Variants in MAST4 observed in about 807,000 individuals in gnomAD.
MAST4 encodes the protein microtubule associated serine/threonine kinase family member 4, also known as microtubule-associated serine/threonine-protein kinase 4.
In MAST4, 89 loss-of-function variants were observed where a neutral mutation model predicts 162.7. The observed-to-expected ratio is 0.55, with a 90% CI of 0.46 to 0.65. The LOEUF is 0.65. Among genes scored for constraint, MAST4 ranks in the 30% least tolerant of loss-of-function variants. The probability of loss-of-function intolerance (pLI) is 0.00; values close to 1 mark genes in which losing one functional copy is unlikely to be tolerated. For missense variants in MAST4, 3,153 were observed against 3,374.0 expected (o/e 0.93, Z 1.62); for synonymous variants, 1,479 against 1,361.1 (o/e 1.09, Z -1.91).
At chr5:66,673,959 A>G (rs1747791176) in intron 1 of MAST4, among the ~76,000 whole-genome samples, 1 of 152,242 alleles carries the variant, frequency 6.6e-6, no homozygotes, top group Non-Finnish European at 1.5e-5. Flanking sequence ...AAATTTAAAA[A>G]CAGCATTATA....
chr5:66,748,392 C>A (rs1752899759), intron 1 of MAST4, among the ~76,000 whole-genome samples: 1 of 99,042 alleles, frequency 1.0e-5, no homozygotes, highest in Non-Finnish European at 2.4e-5. Context: ...TTCCTTCCTT[C>A]TTTCCTTCCT....
chr5:66,946,827 C>T (rs1362829367), intron 4 of MAST4, among the ~76,000 whole-genome samples: 3 of 152,112 alleles, frequency 2.0e-5, no homozygotes, highest in African/African-American at 4.8e-5. Context: ...CATTACGAGT[C>T]GGGAATGCAT....
At chr5:66,816,339 G>A (rs1756719710) in intron 3 of MAST4, among the ~76,000 whole-genome samples, 1 of 152,010 alleles carries the variant, frequency 6.6e-6, no homozygotes, top group Non-Finnish European at 1.5e-5. Flanking sequence ...GGGCACCCCT[G>A]TTCACGGCCA....
At chr5:66,854,445 T>A (rs1482699897) in intron 3 of MAST4, among the ~76,000 whole-genome samples, 1 of 152,174 alleles carries the variant, frequency 6.6e-6, no homozygotes, top group East Asian at 1.9e-4. Flanking sequence ...TGGCACCAGG[T>A]CTGTTACAAG....
rs1253723991 is a variant in MAST4, at chr5:66,799,558, G to A, written c.642+10764G>A. On this transcript the variant is annotated intron_variant, in intron 3 of 28. Transcript: ENST00000403625. The stretch of plus-strand genomic sequence containing the variant: ...ATATCATGGACTTATATTTGGTTGT[G>A]CCTATAGCACCTCTACATTTTAACT... Among the ~76,000 whole-genome samples the A allele has an allele frequency of 3.9e-5, 6 of 152,136 alleles. No homozygotes were observed. The East Asian group carries it at 1.2e-3, about 29-fold the overall frequency.
At chr5:66,888,334 G>C (rs1212197733) in intron 3 of MAST4, among the ~76,000 whole-genome samples, 6 of 152,160 alleles carry the variant, frequency 3.9e-5, no homozygotes, top group African/African-American at 1.2e-4. Context: ...GAAGAAAGTA[G>C]ACTTGTGGGT....
chr5:66,637,355 C>T (rs1745189754), intron 1 of MAST4, among the ~76,000 whole-genome samples: 1 of 151,502 alleles, frequency 6.6e-6, no homozygotes, highest in Non-Finnish European at 1.5e-5. Flanking sequence ...ATTGGTGGGA[C>T]AAAGAGTAGA....
In MAST4 at chr5:66,932,767, A is replaced by G. The variant is rs568373539; in HGVS notation, c.674+32785A>G. 1.2e-3 allele frequency among the ~76,000 whole-genome samples: 178 copies of G among 152,300 alleles called. 4 individuals carry two copies. The highest frequency in any genetic ancestry group is 2.9e-3 in the Admixed American group (44 of 15,296). Reference sequence around the variant, plus strand: ...CTTAAGCTATGTAAATAATTTACACAGTTTTTATTCTGATTTTTCTATTAG... The same window carrying G: ...CTTAAGCTATGTAAATAATTTACACGGTTTTTATTCTGATTTTTCTATTAG... On this transcript the variant is annotated intron_variant, in intron 4 of 28. Transcript: ENST00000403625.
At chr5:66,636,670 T>C (rs1010915110) in intron 1 of MAST4, among the ~76,000 whole-genome samples, 20 of 152,188 alleles carry the variant, frequency 1.3e-4, no homozygotes, top group South Asian at 4.1e-4. Flanking sequence ...AGATTGTAGT[T>C]AGCAATTGTG....
At position 66,621,451 on chromosome 5, in the gene MAST4, CTTAG is replaced by C. The variant is rs1258083361; in HGVS notation, c.363+24437_363+24440del. Among the ~76,000 whole-genome samples, 4 of 152,102 alleles carry C rather than the reference CTTAG, an allele frequency of 2.6e-5. No individual in the cohort carries two copies. The East Asian group carries it at 7.7e-4, about 29-fold the overall frequency. ...ACAGGGCTTTTATTCTACTTTGCAT[CTTAG>C]TTAATTTGGTTTTTAGAGAAGCACA... On this transcript the variant is annotated intron_variant, in intron 1 of 28. Transcript: ENST00000403625.
chr5:66,674,098 C>G (rs1345970470), intron 1 of MAST4, among the ~76,000 whole-genome samples: 3 of 152,114 alleles, frequency 2.0e-5, no homozygotes, highest in Non-Finnish European at 2.9e-5. Context: ...AAAAATGTGG[C>G]TAATCATTGG....
intron 4 of MAST4, among the ~76,000 whole-genome samples, chr5:66,947,711 CA>C (rs1379072517): frequency 1.3e-5 from 2 of 152,130 alleles, no homozygotes; most frequent in Non-Finnish European, 2.9e-5. Flanking sequence ...CTAAAGCTTG[CA>C]CATGTTGGCA....
rs116538813 is a variant in MAST4 at position 66,784,717 on chromosome 5, G to T, written c.518-3953G>T. 2.0e-5 allele frequency among the ~76,000 whole-genome samples: 3 copies of T among 152,264 alleles called. No individual in the cohort carries two copies. The East Asian group carries it at 5.8e-4, about 29-fold the overall frequency. Reference sequence around the variant, plus strand: ...TTACCGTGTTTTATTCTGTTGCTGTGGTGGTGGTGGAGGATGCAGGTCTTA... The same window carrying T: ...TTACCGTGTTTTATTCTGTTGCTGTTGTGGTGGTGGAGGATGCAGGTCTTA... On this transcript the variant is annotated intron_variant, in intron 2 of 28. Transcript: ENST00000403625.
At chr5:66,957,648 A>ATG (rs2150148353) in intron 4 of MAST4, among the ~76,000 whole-genome samples, 1 of 152,332 alleles carries the variant, frequency 6.6e-6, no homozygotes, top group Admixed American at 6.5e-5. Context: ...AACAATGGGC[A>ATG]TTAACAAATG....
intron 1 of MAST4, among the ~76,000 whole-genome samples, chr5:66,742,749 G>C (rs1752543577): frequency 6.6e-6 from 1 of 152,184 alleles, no homozygotes; most frequent in Admixed American, 6.5e-5. Context: ...TAACCTACAG[G>C]AGAGTTTTCT....
In MAST4 at chr5:66,882,208, G is replaced by A. The variant is rs1580753432; in HGVS notation, c.643-17743G>A. On this transcript the variant is annotated intron_variant, in intron 3 of 28. Transcript: ENST00000403625. Reference sequence around the variant, plus strand: ...AGAGATTTGCCTCTGATGCGCCCAAGTGTGGTTTTCCTTGAATTTATCCTG... The same window carrying A: ...AGAGATTTGCCTCTGATGCGCCCAAATGTGGTTTTCCTTGAATTTATCCTG... Among the ~76,000 whole-genome samples, 3 of 152,136 alleles carry A rather than the reference G, an allele frequency of 2.0e-5. No homozygotes were observed. The South Asian group carries it at 6.2e-4, about 32-fold the overall frequency.
chr5:66,896,616 G>T (rs538950080), intron 3 of MAST4, among the ~76,000 whole-genome samples: 1 of 152,218 alleles, frequency 6.6e-6, no homozygotes, highest in South Asian at 2.1e-4. Context: ...CTCTAAACAC[G>T]TGCGGCATGT....
rs1471101130 is a variant in MAST4, at chr5:67,145,472, G to A, written c.3094+93G>A. 3 of 1,006,908 alleles carry A rather than the reference G, an allele frequency of 3.0e-6. No homozygotes were observed. In the East Asian group the frequency reaches 7.8e-5, roughly 26 times the overall value. 62.4% of individuals were successfully genotyped at this position (1,006,908 alleles called of 1,614,324 possible). A position where few individuals can be genotyped will look rare whatever the true frequency, so the allele number is the denominator to read the frequency against. ...AGGGCGGGCCTCGCCAGGCAGTAAAGATGGGTGTTTTATGCTGCTAGACTT... is the reference window on the plus strand; with the variant it reads ...AGGGCGGGCCTCGCCAGGCAGTAAAAATGGGTGTTTTATGCTGCTAGACTT... On this transcript the variant is annotated intron_variant, in intron 23 of 28. Coordinates refer to ENST00000403625, the MANE Select transcript of MAST4 (RefSeq NM_001164664.2).
chr5:66,950,763 C>T (rs1026947460), intron 4 of MAST4, among the ~76,000 whole-genome samples: 5 of 152,164 alleles, frequency 3.3e-5, no homozygotes, highest in African/African-American at 1.2e-4. Flanking sequence ...ATATACATAT[C>T]TGAGTTCCTG....
Sources: allele counts gnomAD v4.1 joint callset (sites outside exome capture counted in the v4.1 genomes callset), GRCh38; gene constraint gnomAD v4.1.1; transcripts MANE v1.5; gene names NCBI Gene and HGNC (gene_info 2026-07-23, HGNC 2026-07-21).